Variants in HMGXB3 observed in about 807,000 individuals in gnomAD.
The protein encoded by HMGXB3 is HMG domain-containing protein 3.
Under a neutral mutation model 121.5 loss-of-function variants are expected in HMGXB3, and 45 were observed. The ratio of observed to expected loss-of-function variants is 0.37; its 90% CI spans 0.29 to 0.47. The LOEUF (loss-of-function observed/expected upper bound fraction) is 0.47, where lower values mean the gene tolerates loss of function less well. Ranked by LOEUF, HMGXB3 falls within the 20% of genes least tolerant of loss-of-function variation. The probability of loss-of-function intolerance (pLI) is 0.99; values close to 1 mark genes in which losing one functional copy is unlikely to be tolerated. For synonymous variants in HMGXB3, 590 were observed against 624.1 expected, an observed-to-expected ratio of 0.95 and a Z score of 0.81; for missense variants, 1,376 against 1,602.2, an observed-to-expected ratio of 0.86 and a Z score of 2.41.
At chr5:150,044,155 G>A (rs1206643905) in intron 15 of HMGXB3, among the ~76,000 whole-genome samples, 1 of 152,188 alleles carries the variant, frequency 6.6e-6, no homozygotes, top group East Asian at 1.9e-4. Flanking sequence ...TTTTGTGTGT[G>A]GAGAGTAGTG....
Position 150,051,416 on chromosome 5 carries a change from C to T in HMGXB3, c.3412-309C>T, listed in dbSNP as rs187448416. On this transcript the variant is annotated intron_variant, in intron 19 of 19. Transcript: ENST00000502717. ...GGCTCCATGAGCATGCTGGGGACTC[C>T]AGAAAAGTGTCTTAACCTCAGTCAG... 3.9e-5 allele frequency among the ~76,000 whole-genome samples: 6 copies of T among 152,334 alleles called. No individual in the cohort carries two copies. In the East Asian group the frequency reaches 5.8e-4, roughly 15 times the overall value.
chr5:150,026,456 G>T (rs989167719), intron 7 of HMGXB3, among the ~76,000 whole-genome samples: 2 of 152,104 alleles, frequency 1.3e-5, no homozygotes, highest in South Asian at 2.1e-4. Flanking sequence ...CTGTGTCTTC[G>T]CAATGACCCC....
At chr5:150,022,390 A>G (rs147175646) in intron 6 of HMGXB3, among the ~76,000 whole-genome samples, 3 of 152,240 alleles carry the variant, frequency 2.0e-5, no homozygotes, top group Non-Finnish European at 4.4e-5. Flanking sequence ...AAAAGATAGT[A>G]TATAAGGCTG....
At position 150,036,800 on chromosome 5, in the gene HMGXB3, C is replaced by T; in HGVS notation, c.2148C>T (p.Leu716=). 6.4e-7 allele frequency: 1 copy of T among 1,551,744 alleles called. No homozygotes were observed. Among genetic ancestry groups the T allele is most frequent in the Non-Finnish European group, 8.7e-7 (1 of 1,147,010 alleles). ...AGGTCTTCGCCTTGATTCATGAACT[C>T]AACAGCTCTCGACTTATCTTGTCCA... The part of the protein sequence containing the change: ...LAEVFALIHE[L]NSSRLILSNV... Residue 716 remains leucine, a synonymous_variant, in exon 12 of 20, where the codon CTC becomes CTT. Coordinates refer to ENST00000502717, the MANE Select transcript of HMGXB3 (RefSeq NM_014983.3).
In HMGXB3 at chr5:150,052,652, G is replaced by A. The variant is rs1261571490; in HGVS notation, c.*460G>A. 1.2e-5 allele frequency: 2 copies of A among 164,196 alleles called. No homozygotes were observed. Among genetic ancestry groups the A allele is most frequent in the African/African-American group, 4.8e-5 (2 of 41,662 alleles). The allele number at this position is 164,196 out of a possible 1,614,324, so 10.2% of individuals were successfully genotyped here. A position where few individuals can be genotyped will look rare whatever the true frequency, so the allele number is the denominator to read the frequency against. On this transcript the variant is annotated 3_prime_UTR_variant, in exon 20 of 20. Coordinates refer to ENST00000502717, the MANE Select transcript of HMGXB3 (RefSeq NM_014983.3). ...TTGCTTAGCCTGTTGCCTTTGACTAGGGGCCTGGGTGGCCTCATTAACTCT... is the reference window on the plus strand; with the variant it reads ...TTGCTTAGCCTGTTGCCTTTGACTAAGGGCCTGGGTGGCCTCATTAACTCT...
intron 16 of HMGXB3, 62 bp downstream of exon 16, chr5:150,045,747 G>C: frequency 7.5e-7 from 1 of 1,332,344 alleles, no homozygotes; most frequent in Non-Finnish European, 1.1e-6. Context: ...CTGGGACATT[G>C]TCCATGGCAA....
chr5:150,007,002 G>A (rs1011783879), intron 3 of HMGXB3, among the ~76,000 whole-genome samples: 1 of 152,148 alleles, frequency 6.6e-6, no homozygotes, highest in African/African-American at 2.4e-5. Context: ...TACGCCATGA[G>A]TTTTCATATT....
intron 3 of HMGXB3, among the ~76,000 whole-genome samples, chr5:150,008,025 C>T (rs943556013): frequency 6.6e-6 from 1 of 151,284 alleles, no homozygotes; most frequent in African/African-American, 2.4e-5. Flanking sequence ...CCACTGCACT[C>T]TAGCCTGGGC....
In HMGXB3 at chr5:150,003,917, G is replaced by T. The variant is rs575080180; in HGVS notation, c.-2-934G>T. Among the ~76,000 whole-genome samples the T allele has an allele frequency of 1.6e-4, 25 of 152,008 alleles. No homozygotes were observed. The East Asian group carries it at 3.9e-3, about 23-fold the overall frequency. ...TGTAGTGAGCCCAGAGTGTGCCACT[G>T]TTCTCTAGTGACAGAGTGAGACCCT... On this transcript the variant is annotated intron_variant, in intron 1 of 19. Coordinates refer to ENST00000502717, the MANE Select transcript of HMGXB3 (RefSeq NM_014983.3).
At chr5:150,018,435 A>T in intron 5 of HMGXB3, 131 bp from the exon 6 acceptor site, 1 of 671,698 alleles carries the variant, frequency 1.5e-6, no homozygotes, top group Non-Finnish European at 2.2e-6. Context: ...TCCAACACTG[A>T]CCTTTTATGA....
intron 3 of HMGXB3, among the ~76,000 whole-genome samples, chr5:150,009,444 A>G (rs577678890): frequency 3.3e-5 from 5 of 152,318 alleles, no homozygotes; most frequent in East Asian, 1.9e-4. Flanking sequence ...TTTCCGTAGT[A>G]TATTCAGGAC....
intron 4 of HMGXB3, among the ~76,000 whole-genome samples, chr5:150,011,037 C>G (rs1298952813): frequency 6.6e-6 from 1 of 152,222 alleles, no homozygotes; most frequent in Admixed American, 6.5e-5. Context: ...AAGCAGTCCT[C>G]CTGCCTCAGC....
rs1756954071 is a variant in HMGXB3 at position 150,052,592 on chromosome 5, A to T, written c.*400A>T. The T allele has an allele frequency of 5.2e-6, 1 of 193,750 alleles. No homozygotes were observed. Among genetic ancestry groups the T allele is most frequent in the Non-Finnish European group, 1.1e-5 (1 of 93,370 alleles). 12.0% of individuals were successfully genotyped at this position (193,750 alleles called of 1,614,324 possible). On this transcript the variant is annotated 3_prime_UTR_variant, in exon 20 of 20. Coordinates refer to ENST00000502717, the MANE Select transcript of HMGXB3 (RefSeq NM_014983.3). ...GCTGCTGAGGTCTCTCCCACCCCTGAGGAGCCCTGGTTTCAGCCCCCTCAG... is the reference window on the plus strand; with the variant it reads ...GCTGCTGAGGTCTCTCCCACCCCTGTGGAGCCCTGGTTTCAGCCCCCTCAG...
At chr5:150,025,504 ATT>A (rs60889296) in intron 7 of HMGXB3, among the ~76,000 whole-genome samples, 25,327 of 149,466 alleles carry the variant, frequency 0.17, 2,608 homozygotes, top group Admixed American at 0.28. Context: ...TATTTTTCCC[ATT>A]TTTTTTTTAA....
rs780088179 is a variant in HMGXB3, at chr5:150,047,400, G to T, written c.2951-224G>T. 1.4e-5 allele frequency: 7 copies of T among 515,408 alleles called. No homozygotes were observed. In the East Asian group the frequency reaches 1.9e-4, roughly 14 times the overall value. The allele number at this position is 515,408 out of a possible 1,614,324, so 31.9% of individuals were successfully genotyped here. Reference sequence around the variant, plus strand: ...TTATTTTAGGGTTTTTTTCAGTGGCGGTATGCAGGATATCTCACTCAGATG... The same window carrying T: ...TTATTTTAGGGTTTTTTTCAGTGGCTGTATGCAGGATATCTCACTCAGATG... On this transcript the variant is annotated intron_variant, in intron 16 of 19. Transcript: ENST00000502717.
intron 13 of HMGXB3, 93 bp downstream of exon 13, chr5:150,037,620 C>A: frequency 1.8e-6 from 2 of 1,141,956 alleles, no homozygotes; most frequent in Non-Finnish European, 2.3e-6. Flanking sequence ...GAGGACTGGG[C>A]CTTCTCAGAT....
chr5:150,023,734 T>C (rs932496523), intron 6 of HMGXB3, among the ~76,000 whole-genome samples: 2 of 152,218 alleles, frequency 1.3e-5, no homozygotes, highest in African/African-American at 4.8e-5. Flanking sequence ...TGCAAGTCAT[T>C]CTTAAGACTC....
chr5:150,033,575 A>C (rs956523155), intron 11 of HMGXB3, among the ~76,000 whole-genome samples: 3 of 152,068 alleles, frequency 2.0e-5, no homozygotes, highest in Admixed American at 6.6e-5. Flanking sequence ...GGGTGGGAGA[A>C]GGGGTGTTAC....
intron 5 of HMGXB3, among the ~76,000 whole-genome samples, chr5:150,015,314 G>A (rs1330351531): frequency 1.3e-5 from 2 of 152,026 alleles, no homozygotes; most frequent in Non-Finnish European, 2.9e-5. Context: ...TGGTAAATAA[G>A]GTTTCACTCT....
Sources: allele counts gnomAD v4.1 joint callset (sites outside exome capture counted in the v4.1 genomes callset), GRCh38; gene constraint gnomAD v4.1.1; transcripts MANE v1.5; gene names NCBI Gene and HGNC (gene_info 2026-07-23, HGNC 2026-07-21).